Variants in TBX5 observed in about 807,000 individuals in gnomAD.
TBX5 encodes T-box transcription factor TBX5.
Under a neutral mutation model 51.1 loss-of-function variants are expected in TBX5, and 8 were observed. The ratio of observed to expected loss-of-function variants is 0.16; its 90% CI spans 0.09 to 0.28. The LOEUF (loss-of-function observed/expected upper bound fraction) is 0.28. TBX5 is among the 10% of genes least tolerant of loss of function. The pLI is 1.00. For missense variants in TBX5, 589 were observed against 671.7 expected (o/e 0.88, Z 1.36); for synonymous variants, 302 against 266.4 (o/e 1.13, Z -1.30).
Position 114,401,864 on chromosome 12 carries a change from G to C in TBX5, c.204C>G (p.His68Gln). 1 of 1,613,978 alleles carries C rather than the reference G, an allele frequency of 6.2e-7. No homozygotes were observed. Among genetic ancestry groups the C allele is most frequent in the South Asian group, 1.1e-5 (1 of 91,070 alleles). Reference protein sequence around the residue: ...LHERELWLKFHEVGTEMIITK... With the variant: ...LHERELWLKFQEVGTEMIITK... ...TTATGATCATTTCCGTGCCCACTTC[G>C]TGGAATTTTAGCCACAGTTCTCTTT... is the stretch of plus-strand genomic sequence containing the variant. The change falls in exon 3 of 9, where the codon CAC (histidine) becomes CAG (glutamine). Residue 68 changes from histidine (H) to glutamine (Q), a missense_variant. Coordinates refer to ENST00000405440, the MANE Select transcript of TBX5 (RefSeq NM_181486.4).
rs1871729689 is a variant in TBX5, at chr12:114,400,341, A to G, written c.243-709T>C. On this transcript the variant is annotated intron_variant, in intron 3 of 8. Transcript: ENST00000405440. ...GCAAAGAAATTCCAGACCCTTCCAGATCTGGTTTCAGAAAAAGCTGAGGCC... is the reference window on the plus strand; with the variant it reads ...GCAAAGAAATTCCAGACCCTTCCAGGTCTGGTTTCAGAAAAAGCTGAGGCC... 2.0e-5 allele frequency among the ~76,000 whole-genome samples: 3 copies of G among 152,342 alleles called. No homozygotes were observed. In the South Asian group the frequency reaches 6.2e-4, roughly 32 times the overall value.
At chr12:114,392,878 C>T (rs934031083) in intron 6 of TBX5, among the ~76,000 whole-genome samples, 1 of 152,114 alleles carries the variant, frequency 6.6e-6, no homozygotes, top group African/African-American at 2.4e-5. Context: ...GCTGGTTCAA[C>T]AGGTGGAAGG....
At chr12:114,408,097 T>G, upstream of TBX5, 1 of 985,390 alleles carries the variant, frequency 1.0e-6, no homozygotes, top group Non-Finnish European at 1.2e-6. Context: ...CTATAGGACT[T>G]GGAGACGTCA....
chr12:114,384,904 A>G lies in TBX5; in HGVS notation c.755+572T>C, dbSNP rs549025100. Among the ~76,000 whole-genome samples the G allele has an allele frequency of 3.3e-5, 5 of 152,250 alleles. No homozygotes were observed. The East Asian group carries it at 9.7e-4, about 29-fold the overall frequency. On this transcript the variant is annotated intron_variant, in intron 7 of 8. Transcript: ENST00000405440. ...TCCTTTCAAATCAGACCAAATTCCC[A>G]CTATGTACATTTGCTACAGCCCGTT...
At chr12:114,375,014 C>G (rs568038690) in intron 7 of TBX5, among the ~76,000 whole-genome samples, 1 of 152,278 alleles carries the variant, frequency 6.6e-6, no homozygotes, top group Admixed American at 6.5e-5. Flanking sequence ...GGGCACTCAT[C>G]GTACAATTCT....
intron 7 of TBX5, among the ~76,000 whole-genome samples, chr12:114,370,311 A>G (rs55723803): frequency 0.046 from 6,160 of 132,802 alleles, 326 homozygotes; most frequent in Middle Eastern, 0.11. Context: ...AGAAAAGAAA[A>G]GAAAGAAAAG....
intron 4 of TBX5, among the ~76,000 whole-genome samples, 164 bp from the exon 5 acceptor site, chr12:114,398,884 C>T (rs1006051319): frequency 3.3e-5 from 5 of 152,194 alleles, no homozygotes; most frequent in African/African-American, 1.2e-4. Flanking sequence ...ATCCCAGCTG[C>T]CCCAGAATAC....
intron 7 of TBX5, among the ~76,000 whole-genome samples, chr12:114,383,740 T>A (rs1038588582): frequency 2.8e-4 from 42 of 152,040 alleles, no homozygotes; most frequent in African/African-American, 8.7e-4. Context: ...ACTGGTAAAG[T>A]TTGAAGGGAT....
upstream of TBX5, among the ~76,000 whole-genome samples, chr12:114,406,425 C>G (rs887828601): frequency 6.6e-6 from 1 of 152,150 alleles, no homozygotes; most frequent in Non-Finnish European, 1.5e-5. Flanking sequence ...GAAGTAATCT[C>G]AGTGACGCTG....
At chr12:114,404,005 G>A in intron 1 of TBX5, 69 bp from the exon 2 acceptor site, 1 of 1,510,782 alleles carries the variant, frequency 6.6e-7, no homozygotes, top group Non-Finnish European at 8.9e-7. Context: ...AGGTTGGAGA[G>A]CACAATTCTA....
intron 6 of TBX5, among the ~76,000 whole-genome samples, chr12:114,386,573 C>T (rs1232956657): frequency 6.6e-6 from 1 of 152,166 alleles, no homozygotes; most frequent in African/African-American, 2.4e-5. Context: ...TTTTAATTTG[C>T]ACTTATTTCA....
At chr12:114,375,278 G>A (rs1870128471) in intron 7 of TBX5, among the ~76,000 whole-genome samples, 1 of 152,180 alleles carries the variant, frequency 6.6e-6, no homozygotes, top group East Asian at 1.9e-4. Flanking sequence ...AGAGCCACTG[G>A]AGAAAACTGT....
rs145365553 is a variant in TBX5 at position 114,403,883 on chromosome 12, C to T, written c.16G>A (p.Glu6Lys). Reference protein sequence around the residue: MADADEGFGLAHTPLE... With the variant: MADADKGFGLAHTPLE... ...GGCGTGTGCGCCAGGCCAAAGCCCT[C>T]GTCTGCGTCGGCCATGGTGCGCCCA... is the stretch of plus-strand genomic sequence containing the variant. The change falls in exon 2 of 9, where the codon GAG (glutamate) becomes AAG (lysine). Residue 6 changes from glutamate to lysine, a missense_variant. Coordinates refer to ENST00000405440, the MANE Select transcript of TBX5 (RefSeq NM_181486.4). The T allele has an allele frequency of 4.2e-5, 67 of 1,612,858 alleles. No homozygotes were observed. Among genetic ancestry groups the T allele is most frequent in the African/African-American group, 1.1e-4 (8 of 74,888 alleles).
chr12:114,376,981 C>A (rs1428397247), intron 7 of TBX5, among the ~76,000 whole-genome samples: 1 of 152,002 alleles, frequency 6.6e-6, no homozygotes, highest in East Asian at 1.9e-4. Context: ...TGACAAATAA[C>A]CATGACCCAA....
chr12:114,398,813 G>C (rs558462937), intron 4 of TBX5, 93 bp from the exon 5 acceptor site: 2 of 1,470,844 alleles, frequency 1.4e-6, no homozygotes, highest in African/African-American at 1.4e-5. Flanking sequence ...ACCAGGTGAG[G>C]GTTGTTGAGT....
upstream of TBX5, among the ~76,000 whole-genome samples, chr12:114,406,495 C>T (rs1872234545): frequency 6.6e-6 from 1 of 152,154 alleles, no homozygotes; most frequent in Non-Finnish European, 1.5e-5. Flanking sequence ...CCTCCGCAGC[C>T]TTGCAGACAT....
intron 6 of TBX5, 114 bp downstream of exon 6, chr12:114,394,627 A>C (rs2136410472): frequency 6.9e-7 from 1 of 1,439,038 alleles, no homozygotes; most frequent in African/African-American, 1.4e-5. Context: ...CTGGGGTCGA[A>C]GTTGGTGACT....
In TBX5 at chr12:114,398,627, G is replaced by A. The variant is rs775748269; in HGVS notation, c.456C>T (p.Leu152=). 58 of 1,613,514 alleles carry A rather than the reference G, an allele frequency of 3.6e-5. No individual in the cohort carries two copies. The East Asian group carries it at 1.2e-3, about 33-fold the overall frequency. Residue 152 remains leucine, a synonymous_variant, in exon 5 of 9, where the codon CTC becomes CTT. Coordinates refer to ENST00000405440, the MANE Select transcript of TBX5 (RefSeq NM_181486.4). ...TGAGCTTGAGTTTCTGGAAGGAGAC[G>A]AGCTGCCTCATCCAATGCGCCCCGG... The part of the protein sequence containing the change: ...PATGAHWMRQ[L]VSFQKLKLTN...
At chr12:114,395,997 G>C (rs1871395073) in intron 5 of TBX5, among the ~76,000 whole-genome samples, 1 of 152,166 alleles carries the variant, frequency 6.6e-6, no homozygotes, top group South Asian at 2.1e-4. Flanking sequence ...GCGTTTAACA[G>C]CCTGAAAATC....
Sources: allele counts gnomAD v4.1 joint callset (sites outside exome capture counted in the v4.1 genomes callset), GRCh38; gene constraint gnomAD v4.1.1; transcripts MANE v1.5; gene names NCBI Gene and HGNC (gene_info 2026-07-23, HGNC 2026-07-21).